UBA6: variants seen among roughly 807,000 people sequenced by gnomAD.
The protein encoded by UBA6 is ubiquitin-like modifier-activating enzyme 6.
Under a neutral mutation model 148.3 loss-of-function variants are expected in UBA6, and 87 were observed. The ratio of observed to expected loss-of-function variants is 0.59; its 90% CI spans 0.49 to 0.70. UBA6 has a LOEUF of 0.70. Ranked by LOEUF, UBA6 falls within the 30% of genes least tolerant of loss-of-function variation. The probability of loss-of-function intolerance (pLI) is 0.00; values close to 1 mark genes in which losing one functional copy is unlikely to be tolerated. For synonymous variants in UBA6, 376 were observed against 401.0 expected (o/e 0.94, Z 0.75); for missense variants, 1,186 against 1,241.2 (o/e 0.96, Z 0.67).
chr4:67,646,826 T>C (rs922707291), intron 14 of UBA6, 35 bp from the exon 15 acceptor site: 6 of 1,391,204 alleles, frequency 4.3e-6, no homozygotes, highest in Non-Finnish European at 5.8e-6. Flanking sequence ...AATTATTATG[T>C]ATAAAACAAA....
At chr4:67,692,619 C>CT (rs1189329003) in intron 2 of UBA6, among the ~76,000 whole-genome samples, 1 of 152,136 alleles carries the variant, frequency 6.6e-6, no homozygotes, top group Non-Finnish European at 1.5e-5. Context: ...CCAGCAAGAA[C>CT]TTTTAAAGTT....
intron 11 of UBA6, chr4:67,663,555 T>C: frequency 2.7e-6 from 1 of 367,774 alleles, no homozygotes; most frequent in Non-Finnish European, 4.9e-6. Flanking sequence ...GAAATATGTA[T>C]TGTATAAAAT....
rs1356206218 is a variant in UBA6, at chr4:67,701,048, C to T, written c.71+1G>A. The T allele has an allele frequency of 1.2e-6, 2 of 1,613,816 alleles. No individual in the cohort carries two copies. Among genetic ancestry groups the T allele is most frequent in the South Asian group, 2.2e-5 (2 of 91,078 alleles). Reference sequence around the variant, plus strand: ...CACCTTCGCCCTTCTCGTCCTCTCACCTGCCAGTCCCCCAGGAAGAACAGG... The same window carrying T: ...CACCTTCGCCCTTCTCGTCCTCTCATCTGCCAGTCCCCCAGGAAGAACAGG... On this transcript the variant is annotated splice_donor_variant, in intron 1 of 32. Transcript: ENST00000322244. LOFTEE classifies it high-confidence loss of function.
At chr4:67,641,501 C>G (rs370009843) in intron 17 of UBA6, among the ~76,000 whole-genome samples, 1 of 152,072 alleles carries the variant, frequency 6.6e-6, no homozygotes, top group Non-Finnish European at 1.5e-5. Flanking sequence ...TTATTCATAA[C>G]AAAACAAAAC....
rs1728613741 is a variant in UBA6, at chr4:67,615,833, T to C, written c.*3164A>G. On this transcript the variant is annotated 3_prime_UTR_variant, in exon 33 of 33. Transcript: ENST00000322244. Reference sequence around the variant, plus strand: ...TTTACACACATAGGTGGTAACACTATAAAAACAAAGAGACAATTATCATAC... The same window carrying C: ...TTTACACACATAGGTGGTAACACTACAAAAACAAAGAGACAATTATCATAC... The C allele has an allele frequency of 1.2e-5, 3 of 254,072 alleles. No homozygotes were observed. Among genetic ancestry groups the C allele is most frequent in the Non-Finnish European group, 2.2e-5 (3 of 135,968 alleles). The allele number at this position is 254,072 out of a possible 1,614,324, so 15.7% of individuals were successfully genotyped here. A position where few individuals can be genotyped will look rare whatever the true frequency, so the allele number is the denominator to read the frequency against.
At chr4:67,631,249 C>T (rs1008213594) in intron 25 of UBA6, among the ~76,000 whole-genome samples, 6 of 152,120 alleles carry the variant, frequency 3.9e-5, no homozygotes, top group African/African-American at 1.4e-4. Flanking sequence ...CATATACACA[C>T]AAGTGTGAAT....
At chr4:67,656,125 A>G (rs1729684129) in intron 13 of UBA6, among the ~76,000 whole-genome samples, 1 of 152,250 alleles carries the variant, frequency 6.6e-6, no homozygotes, top group Non-Finnish European at 1.5e-5. Flanking sequence ...AGGAGCTGGT[A>G]CCATTCCTTC....
At chr4:67,624,848 G>C in intron 29 of UBA6, 146 bp downstream of exon 29, 1 of 618,468 alleles carries the variant, frequency 1.6e-6, no homozygotes, top group East Asian at 2.8e-5. Flanking sequence ...TGCATTTTCA[G>C]AAAATATTTT....
intron 13 of UBA6, among the ~76,000 whole-genome samples, chr4:67,658,556 G>C (rs1159647066): frequency 6.6e-6 from 1 of 152,130 alleles, no homozygotes; most frequent in African/African-American, 2.4e-5. Context: ...CTGGAGGGTG[G>C]GAAGAGGGGG....
intron 7 of UBA6, among the ~76,000 whole-genome samples, chr4:67,672,000 T>A (rs1389465240): frequency 6.6e-6 from 1 of 152,114 alleles, no homozygotes; most frequent in African/African-American, 2.4e-5. Context: ...ACCTTTTTTT[T>A]AAACAAAAGA....
chr4:67,630,588 T>C, intron 25 of UBA6, 53 bp from the exon 26 acceptor site: 1 of 1,136,068 alleles, frequency 8.8e-7, no homozygotes, highest in Non-Finnish European at 1.3e-6. Context: ...TTAAAGACGA[T>C]ATTTAACTCA....
At chr4:67,621,031 G>A (rs1328180037) in intron 32 of UBA6, among the ~76,000 whole-genome samples, 1 of 152,116 alleles carries the variant, frequency 6.6e-6, no homozygotes, top group Non-Finnish European at 1.5e-5. Flanking sequence ...CATGCTGGAG[G>A]TTTCAAATAT....
In UBA6 at chr4:67,635,504, C is replaced by G; in HGVS notation, c.1791G>C (p.Lys597Asn). The G allele has an allele frequency of 1.2e-6, 2 of 1,613,086 alleles. No homozygotes were observed. Among genetic ancestry groups the G allele is most frequent in the Non-Finnish European group, 1.7e-6 (2 of 1,179,248 alleles). ...PLLDSGTMGT[K>N]GHTEVIVPHL... ...GCGGTACAATAACTTCAGTGTGTCC[C>G]TTAGTGCCCATTGTTCCAGAATCTA... The change falls in exon 20 of 33, where the codon AAG (lysine) becomes AAC (asparagine). Residue 597 changes from lysine to asparagine, a missense_variant. Transcript: ENST00000322244.
Position 67,641,170 on chromosome 4 carries a change from A to T in UBA6, c.1535T>A (p.Phe512Tyr), listed in dbSNP as rs756314229. ...EKSNLNRQFL[F>Y]RPHHIQKPKS... ...ACATACCTGTATGTGATGAGGACGA[A>T]ATAGGAACTGTCTATTTAAGTTGGA... Residue 512 changes from phenylalanine (F) to tyrosine (Y), a missense_variant, in exon 18 of 33, where the codon TTT becomes TAT. Transcript: ENST00000322244. 2 of 1,597,916 alleles carry T rather than the reference A, an allele frequency of 1.3e-6. No homozygotes were observed. Among genetic ancestry groups the T allele is most frequent in the Non-Finnish European group, 1.7e-6 (2 of 1,172,344 alleles).
At position 67,617,198 on chromosome 4, in the gene UBA6, A is replaced by G. The variant is rs1257248486; in HGVS notation, c.*1799T>C. On this transcript the variant is annotated 3_prime_UTR_variant, in exon 33 of 33. Transcript: ENST00000322244. ...AAATATAAGCAAGTTACTGGATCATATTTATGGACTGCTGAATTAACTACC... is the reference window on the plus strand; with the variant it reads ...AAATATAAGCAAGTTACTGGATCATGTTTATGGACTGCTGAATTAACTACC... The G allele has an allele frequency of 6.6e-6, 1 of 152,128 alleles. No individual in the cohort carries two copies. The highest frequency in any genetic ancestry group is 1.5e-5 in the Non-Finnish European group (1 of 67,968). 9.4% of individuals were successfully genotyped at this position (152,128 alleles called of 1,614,324 possible).
chr4:67,652,950 C>T (rs35129113), intron 13 of UBA6, among the ~76,000 whole-genome samples: 34,953 of 152,110 alleles, frequency 0.23, 4,179 homozygotes, highest in Middle Eastern at 0.3. Context: ...GATCCACCTG[C>T]GAGGCTGCAG....
At chr4:67,676,148 C>T (rs1377593185) in intron 6 of UBA6, among the ~76,000 whole-genome samples, 1 of 151,568 alleles carries the variant, frequency 6.6e-6, no homozygotes, top group African/African-American at 2.4e-5. Flanking sequence ...CTCAGCCTCC[C>T]GAGTAGCTGG....
intron 2 of UBA6, among the ~76,000 whole-genome samples, chr4:67,684,969 T>C (rs1730523472): frequency 6.6e-6 from 1 of 152,204 alleles, no homozygotes; most frequent in African/African-American, 2.4e-5. Flanking sequence ...ATTAAGTAAG[T>C]AGTGGAGGTT....
In UBA6 at chr4:67,696,625, AGTTTCT is replaced by A. The variant is rs1730846204; in HGVS notation, c.134+14_134+19del. 6.4e-7 allele frequency: 1 copy of A among 1,569,300 alleles called. No individual in the cohort carries two copies. ...ACAATTAATGGGGAAAATAAGTTTC[AGTTTCT>A]ATGAGATTCTTACCTATACAATGCA... On this transcript the variant is annotated intron_variant, in intron 2 of 32. Transcript: ENST00000322244.
Sources: allele counts gnomAD v4.1 joint callset (sites outside exome capture counted in the v4.1 genomes callset), GRCh38; gene constraint gnomAD v4.1.1; transcripts MANE v1.5; gene names NCBI Gene and HGNC (gene_info 2026-07-23, HGNC 2026-07-21).